The following CRPPA variants were observed in gnomAD, a reference collection of about 807,000 sequenced individuals.
CRPPA encodes the protein D-ribitol-5-phosphate cytidylyltransferase.
A neutral mutation model predicts 52.0 loss-of-function variants in CRPPA; 43 were observed. That is an observed-to-expected ratio of 0.83 (90% CI 0.65 to 1.07). The LOEUF (loss-of-function observed/expected upper bound fraction) is 1.07. CRPPA is among the 50% of genes least tolerant of loss of function. The probability of loss-of-function intolerance (pLI) is 0.00; values close to 1 mark genes in which losing one functional copy is unlikely to be tolerated. For synonymous variants in CRPPA, 250 were observed against 203.5 expected, an observed-to-expected ratio of 1.23 and a Z score of -1.94; for missense variants, 629 against 551.7, an observed-to-expected ratio of 1.14 and a Z score of -1.40.
At chr7:16,127,051 A>G (rs916531326) in intron 9 of CRPPA, among the ~76,000 whole-genome samples, 3 of 152,302 alleles carry the variant, frequency 2.0e-5, no homozygotes, top group African/African-American at 7.2e-5. Context: ...ACAGCACTAC[A>G]TTGTGAGAAA....
chr7:16,291,036 C>T (rs1784553646), intron 5 of CRPPA, among the ~76,000 whole-genome samples: 1 of 152,014 alleles, frequency 6.6e-6, no homozygotes, highest in African/African-American at 2.4e-5. Flanking sequence ...AAATGTTCAA[C>T]ATCACTAATC....
chr7:16,413,770 A>G (rs566747743), intron 1 of CRPPA, among the ~76,000 whole-genome samples: 40 of 152,344 alleles, frequency 2.6e-4, no homozygotes, highest in African/African-American at 9.1e-4. Context: ...AACACAGACT[A>G]TGGAGTCTTA....
At chr7:16,246,993 C>T (rs1783294126) in intron 8 of CRPPA, among the ~76,000 whole-genome samples, 1 of 152,238 alleles carries the variant, frequency 6.6e-6, no homozygotes, top group Non-Finnish European at 1.5e-5. Flanking sequence ...AAAAGCCCTA[C>T]CTGGCATGTT....
At chr7:16,414,075 C>G (rs750710688) in intron 1 of CRPPA, among the ~76,000 whole-genome samples, 2 of 152,012 alleles carry the variant, frequency 1.3e-5, no homozygotes, top group South Asian at 4.2e-4. Context: ...TAGGGGAGGC[C>G]GAGTTATAAC....
intron 6 of CRPPA, among the ~76,000 whole-genome samples, chr7:16,262,570 AT>A (rs1783837764): frequency 6.6e-6 from 1 of 152,104 alleles, no homozygotes; most frequent in African/African-American, 2.4e-5. Context: ...GTGCATTATA[AT>A]TTTTTAAGTA....
intron 9 of CRPPA, among the ~76,000 whole-genome samples, chr7:16,159,505 A>G (rs962956031): frequency 6.6e-6 from 1 of 152,160 alleles, no homozygotes; most frequent in Non-Finnish European, 1.5e-5. Flanking sequence ...GATGGTTTCC[A>G]GCTTCATCTA....
chr7:16,286,068 T>TTTAAAA (rs1562608533), intron 5 of CRPPA, among the ~76,000 whole-genome samples: 3 of 24,060 alleles, frequency 1.2e-4, no homozygotes, highest in Admixed American at 1.2e-3. Context: ...TATATATATA[T>TTTAAAA]ATATATATAT....
Position 16,216,082 on chromosome 7 carries a change from A to G in CRPPA, c.1235T>C (p.Leu412Pro), listed in dbSNP as rs1222969962. ...KERNILLYGL[L>P]ISYPQDDQKL... ...TTTACCTACCTGTGGGTAAGATATG[A>G]GAAGCCCATATAACAAAATATTTCT... The change falls in exon 9 of 10, where the codon CTC becomes CCC. Residue 412 changes from leucine (L) to proline (P), a missense_variant. Transcript: ENST00000407010. 1.3e-6 allele frequency: 2 copies of G among 1,593,592 alleles called. No individual in the cohort carries two copies. The highest frequency in any genetic ancestry group is 1.4e-5 in the African/African-American group (1 of 73,934).
At chr7:16,296,281 G>C (rs1784673666) in intron 5 of CRPPA, among the ~76,000 whole-genome samples, 1 of 152,056 alleles carries the variant, frequency 6.6e-6, no homozygotes, top group Non-Finnish European at 1.5e-5. Context: ...CTTGAAGTTA[G>C]CAAACCTACA....
chr7:16,102,448 T>C (rs1193907479), intron 9 of CRPPA, among the ~76,000 whole-genome samples: 1 of 152,020 alleles, frequency 6.6e-6, no homozygotes, highest in Non-Finnish European at 1.5e-5. Flanking sequence ...AGAGCCAAAA[T>C]TGACAAATGG....
intron 6 of CRPPA, among the ~76,000 whole-genome samples, chr7:16,272,228 G>C (rs949871457): frequency 2.0e-5 from 3 of 152,108 alleles, no homozygotes; most frequent in Admixed American, 6.5e-5. Flanking sequence ...TGAATGGGGG[G>C]AGTAGGAGAG....
chr7:16,115,466 T>C (rs1782351303), intron 9 of CRPPA, among the ~76,000 whole-genome samples: 1 of 152,142 alleles, frequency 6.6e-6, no homozygotes, highest in Non-Finnish European at 1.5e-5. Context: ...AATGTAGAAA[T>C]AGGTATAGAA....
chr7:16,241,971 T>TGTGGG (rs1583458894), intron 8 of CRPPA, among the ~76,000 whole-genome samples: 2 of 86,162 alleles, frequency 2.3e-5, no homozygotes, highest in Non-Finnish European at 5.0e-5. Flanking sequence ...TTTTTTTTGT[T>TGTGGG]GGGGGGAGAT....
intron 5 of CRPPA, among the ~76,000 whole-genome samples, chr7:16,291,606 A>T (rs1339280010): frequency 6.6e-6 from 1 of 151,940 alleles, no homozygotes; most frequent in Non-Finnish European, 1.5e-5. Context: ...GAAAGAAATA[A>T]AGGGAGGTTA....
intron 2 of CRPPA, among the ~76,000 whole-genome samples, chr7:16,398,003 C>A (rs1394340315): frequency 6.6e-6 from 1 of 152,230 alleles, no homozygotes; most frequent in East Asian, 1.9e-4. Context: ...CAACATGTGA[C>A]TGATGTGATT....
chr7:16,202,738 G>C (rs1042407740), intron 9 of CRPPA, among the ~76,000 whole-genome samples: 1 of 152,158 alleles, frequency 6.6e-6, no homozygotes, highest in East Asian at 1.9e-4. Context: ...TGTGATAAAG[G>C]AAGCCAAAGC....
At chr7:16,409,196 T>C (rs1474523143) in intron 1 of CRPPA, among the ~76,000 whole-genome samples, 2 of 152,274 alleles carry the variant, frequency 1.3e-5, no homozygotes, top group Admixed American at 6.5e-5. Context: ...ACCCCATGCA[T>C]GGCCAGCCTC....
chr7:16,199,088 T>A (rs1273653305), intron 9 of CRPPA, among the ~76,000 whole-genome samples: 2 of 152,170 alleles, frequency 1.3e-5, no homozygotes, highest in Non-Finnish European at 2.9e-5. Context: ...GGAGTGCTGC[T>A]CTCTCCCAGA....
At chr7:16,376,561 G>C (rs1230507484) in intron 2 of CRPPA, among the ~76,000 whole-genome samples, 2 of 151,516 alleles carry the variant, frequency 1.3e-5, no homozygotes, top group Non-Finnish European at 2.9e-5. Flanking sequence ...AGATGAAGGA[G>C]GCAGAGAAAG....
Sources: gnomAD v4.1 joint callset for allele counts (sites outside exome capture counted in the v4.1 genomes callset) on GRCh38, gnomAD v4.1.1 for gene constraint, MANE v1.5 for transcripts, NCBI Gene and HGNC (gene_info 2026-07-23, HGNC 2026-07-21) for gene names.